MBNL1: variants seen among roughly 807,000 people sequenced by gnomAD.
MBNL1 encodes muscleblind-like protein 1.
In MBNL1, 8 loss-of-function variants were observed where a neutral mutation model predicts 42.2. The ratio of observed to expected loss-of-function variants is 0.19; its 90% CI spans 0.11 to 0.34. The LOEUF (loss-of-function observed/expected upper bound fraction) is 0.34. MBNL1 is among the 10% of genes least tolerant of loss of function. MBNL1 has a pLI of 1.00. For synonymous variants in MBNL1, 169 were observed against 173.9 expected (o/e 0.97, Z 0.22); for missense variants, 309 against 495.3 (o/e 0.62, Z 3.57).
chr3:152,275,325 T>C (rs1210224274), intron 1 of MBNL1, among the ~76,000 whole-genome samples: 1 of 152,178 alleles, frequency 6.6e-6, no homozygotes, highest in Non-Finnish European at 1.5e-5. Flanking sequence ...CTTACTGATG[T>C]TTCTGTTTAC....
upstream of MBNL1, chr3:152,264,849 A>G (rs2036917673): frequency 1.3e-5 from 2 of 152,116 alleles, no homozygotes; most frequent in Admixed American, 6.6e-5. Context: ...AAATATATTG[A>G]TTTTATATAT....
At position 152,427,800 on chromosome 3, in the gene MBNL1, A is replaced by T. The variant is rs758571957; in HGVS notation, c.346-4917A>T. On this transcript the variant is annotated intron_variant, in intron 3 of 9. Coordinates refer to ENST00000324210, the MANE Select transcript of MBNL1 (RefSeq NM_021038.5). The stretch of plus-strand genomic sequence containing the variant: ...TATTTAAAAATTAAAAAAATTTTTT[A>T]AAATATTTTATTTCTTTATATACAT... 6.4e-4 allele frequency among the ~76,000 whole-genome samples: 96 copies of T among 150,820 alleles called. 1 individual carries two copies. Among genetic ancestry groups the T allele is most frequent in the African/African-American group, 1.7e-3 (69 of 41,376 alleles).
intron 2 of MBNL1, among the ~76,000 whole-genome samples, chr3:152,398,494 T>C (rs982636527): frequency 3.9e-5 from 6 of 152,130 alleles, no homozygotes; most frequent in African/African-American, 1.4e-4. Flanking sequence ...AATCAAATGA[T>C]GCAAAAATAT....
At chr3:152,300,574 T>C (rs1402559388) in intron 2 of MBNL1, among the ~76,000 whole-genome samples, 1 of 152,082 alleles carries the variant, frequency 6.6e-6, no homozygotes, top group Non-Finnish European at 1.5e-5. Context: ...ATCAGTCCTT[T>C]CACTGCATGT....
intron 2 of MBNL1, among the ~76,000 whole-genome samples, chr3:152,344,473 C>G (rs1237424579): frequency 6.6e-6 from 1 of 152,114 alleles, no homozygotes; most frequent in East Asian, 1.9e-4. Flanking sequence ...TATTAAAACC[C>G]TGGATATTGT....
chr3:152,381,216 CA>C (rs1676878531), intron 2 of MBNL1, among the ~76,000 whole-genome samples: 1 of 151,980 alleles, frequency 6.6e-6, no homozygotes, highest in African/African-American at 2.4e-5. Context: ...AATATGAACA[CA>C]TCTGGATTTG....
intron 2 of MBNL1, among the ~76,000 whole-genome samples, chr3:152,337,259 G>A (rs937864174): frequency 2.6e-5 from 4 of 152,142 alleles, no homozygotes; most frequent in Non-Finnish European, 5.9e-5. Context: ...TCCTTGAAAA[G>A]CATAACATGA....
intron 2 of MBNL1, among the ~76,000 whole-genome samples, chr3:152,410,956 G>A (rs1037971631): frequency 6.6e-6 from 1 of 152,208 alleles, no homozygotes; most frequent in Non-Finnish European, 1.5e-5. Flanking sequence ...TTATTAGCTT[G>A]AGAACTTAGA....
chr3:152,290,284 C>T (rs1577218953), intron 1 of MBNL1, among the ~76,000 whole-genome samples: 1 of 151,158 alleles, frequency 6.6e-6, no homozygotes, highest in African/African-American at 2.4e-5. Context: ...ATGAGATATG[C>T]TTTATATTTT....
At chr3:152,437,990 T>C (rs1282908441) in intron 4 of MBNL1, among the ~76,000 whole-genome samples, 1 of 152,134 alleles carries the variant, frequency 6.6e-6, no homozygotes, top group East Asian at 1.9e-4. Flanking sequence ...GCCAGGCTGG[T>C]CTCAGCAATT....
intron 2 of MBNL1, among the ~76,000 whole-genome samples, chr3:152,335,453 T>C (rs911024535): frequency 1.3e-5 from 2 of 152,222 alleles, no homozygotes; most frequent in African/African-American, 2.4e-5. Flanking sequence ...CTACTTGAAA[T>C]ACTAATATTG....
At chr3:152,246,889 T>C (rs2033161042) in intron 2 of MBNL1, among the ~76,000 whole-genome samples, 2 of 152,038 alleles carry the variant, frequency 1.3e-5, no homozygotes, top group Admixed American at 6.6e-5. Context: ...AAGATGACCT[T>C]CCCAAAGTTG....
At chr3:152,454,580 A>C (rs1339687795) in intron 6 of MBNL1, among the ~76,000 whole-genome samples, 2 of 152,224 alleles carry the variant, frequency 1.3e-5, no homozygotes, top group African/African-American at 4.8e-5. Context: ...GTCAAAGAGA[A>C]CAAGGACTAT....
intron 2 of MBNL1, among the ~76,000 whole-genome samples, chr3:152,374,895 A>G (rs1439479752): frequency 2.0e-5 from 3 of 152,228 alleles, no homozygotes; most frequent in East Asian, 1.9e-4. Context: ...AGTTGATTTC[A>G]TTATATTATT....
chr3:152,425,464 CG>C lies in MBNL1; in HGVS notation c.346-7250del, dbSNP rs760068420. 1.6e-4 allele frequency among the ~76,000 whole-genome samples: 24 copies of C among 151,930 alleles called. No homozygotes were observed. In the East Asian group the frequency reaches 2.9e-3, roughly 18 times the overall value. On this transcript the variant is annotated intron_variant, in intron 3 of 9. Transcript: ENST00000324210. Reference sequence around the variant, plus strand: ...TCTACTAAAGATACAAAAAATTAGCCGGGCATGGTGGCACACACGTGTAGTC... The same window carrying C: ...TCTACTAAAGATACAAAAAATTAGCCGGCATGGTGGCACACACGTGTAGTC...
intron 3 of MBNL1, among the ~76,000 whole-genome samples, chr3:152,421,049 C>T (rs773974449): frequency 4.6e-5 from 7 of 152,044 alleles, no homozygotes; most frequent in Admixed American, 6.6e-5. Context: ...TGAAATAAAG[C>T]GTGAAGACAA....
In MBNL1 at chr3:152,459,319, C is replaced by G. The variant is rs775254619; in HGVS notation, c.1141C>G (p.Gln381Glu). The G allele has an allele frequency of 6.3e-7, 1 of 1,575,256 alleles. No homozygotes were observed. Among genetic ancestry groups the G allele is most frequent in the Non-Finnish European group, 8.6e-7 (1 of 1,159,608 alleles). Residue 381 changes from glutamine (Q) to glutamate (E), a missense_variant, in exon 9 of 10, where the codon CAG becomes GAG. Coordinates refer to ENST00000324210, the MANE Select transcript of MBNL1 (RefSeq NM_021038.5). ...TCTGACTAGCCACAAGTATGTTACC[C>G]AGATGTAGAATTTTCATCACTAAAC... ...EHLTSHKYVT[Q>E]M
chr3:152,256,441 T>C (rs2035456235), intron 2 of MBNL1, among the ~76,000 whole-genome samples: 1 of 152,192 alleles, frequency 6.6e-6, no homozygotes, highest in African/African-American at 2.4e-5. Context: ...AGACCACAGA[T>C]GTTTCCTTGT....
chr3:152,417,347 G>T (rs1204185508), intron 3 of MBNL1, among the ~76,000 whole-genome samples: 1 of 152,170 alleles, frequency 6.6e-6, no homozygotes, highest in African/African-American at 2.4e-5. Flanking sequence ...GTGGAAAAGG[G>T]TTGCCACTCA....
Sources: allele counts gnomAD v4.1 joint callset (sites outside exome capture counted in the v4.1 genomes callset), GRCh38; gene constraint gnomAD v4.1.1; transcripts MANE v1.5; gene names NCBI Gene and HGNC (gene_info 2026-07-23, HGNC 2026-07-21).